Variants in FBXL7 observed in about 807,000 individuals in gnomAD.
FBXL7 encodes F-box and leucine rich repeat protein 7.
In FBXL7, 12 loss-of-function variants were observed where a neutral mutation model predicts 38.3. That is an observed-to-expected ratio of 0.31 (90% CI 0.20 to 0.51). The LOEUF (loss-of-function observed/expected upper bound fraction) is 0.51. Ranked by LOEUF, FBXL7 falls within the 20% of genes least tolerant of loss-of-function variation. FBXL7 has a pLI of 0.98. For synonymous variants in FBXL7, 297 were observed against 300.9 expected, an observed-to-expected ratio of 0.99 and a Z score of 0.13; for missense variants, 567 against 676.4, an observed-to-expected ratio of 0.84 and a Z score of 1.79.
chr5:15,770,239 G>A (rs372811983), intron 2 of FBXL7, among the ~76,000 whole-genome samples: 11 of 152,208 alleles, frequency 7.2e-5, no homozygotes, highest in South Asian at 2.1e-4. Flanking sequence ...CTGATTTTCC[G>A]TAGGGCCCCA....
At position 15,822,310 on chromosome 5, in the gene FBXL7, C is replaced by T. The variant is rs371226400; in HGVS notation, c.128-105580C>T. Among the ~76,000 whole-genome samples the T allele has an allele frequency of 5.3e-5, 8 of 151,620 alleles. No individual in the cohort carries two copies. In the South Asian group the frequency reaches 6.3e-4, roughly 12 times the overall value. The stretch of plus-strand genomic sequence containing the variant: ...CCAGGAGGCAGAGGTTGCAGTGAGC[C>T]GAGATCACACCATTGCACTCCAGCC... On this transcript the variant is annotated intron_variant, in intron 2 of 3. Coordinates refer to ENST00000504595, the MANE Select transcript of FBXL7 (RefSeq NM_012304.5).
intron 2 of FBXL7, among the ~76,000 whole-genome samples, chr5:15,806,212 C>T (rs1737708541): frequency 6.6e-6 from 1 of 152,094 alleles, no homozygotes; most frequent in Non-Finnish European, 1.5e-5. Flanking sequence ...GTTATACAAG[C>T]CAGTTGTTTT....
intron 2 of FBXL7, among the ~76,000 whole-genome samples, chr5:15,756,960 T>C (rs935315601): frequency 8.5e-5 from 13 of 152,196 alleles, no homozygotes; most frequent in African/African-American, 2.9e-4. Context: ...TCAGGGCCAA[T>C]AGTTTGAACG....
chr5:15,852,487 T>C (rs1466360063), intron 2 of FBXL7, among the ~76,000 whole-genome samples: 1 of 152,138 alleles, frequency 6.6e-6, no homozygotes, highest in African/African-American at 2.4e-5. Flanking sequence ...GTTTGGAAAA[T>C]AGCATCTGTT....
At chr5:15,858,272 T>C (rs992335193) in intron 2 of FBXL7, among the ~76,000 whole-genome samples, 1 of 151,278 alleles carries the variant, frequency 6.6e-6, no homozygotes, top group Non-Finnish European at 1.5e-5. Context: ...ATTTAGGATT[T>C]ATCATTCAAA....
chr5:15,822,349 A>C (rs1275904400), intron 2 of FBXL7, among the ~76,000 whole-genome samples: 1 of 152,060 alleles, frequency 6.6e-6, no homozygotes, highest in Non-Finnish European at 1.5e-5. Flanking sequence ...GTGACAGAGC[A>C]CGACTCCATC....
chr5:15,563,321 A>G (rs1738470397), intron 1 of FBXL7, among the ~76,000 whole-genome samples: 1 of 152,128 alleles, frequency 6.6e-6, no homozygotes, highest in South Asian at 2.1e-4. Context: ...CTCCATACCT[A>G]CTTCATCACG....
At chr5:15,539,272 A>G (rs1561020085) in intron 1 of FBXL7, among the ~76,000 whole-genome samples, 1 of 152,202 alleles carries the variant, frequency 6.6e-6, no homozygotes, top group East Asian at 1.9e-4. Flanking sequence ...GAATGACGTC[A>G]ATAGGGATTC....
At chr5:15,919,526 C>T (rs1741686277) in intron 2 of FBXL7, among the ~76,000 whole-genome samples, 3 of 152,088 alleles carry the variant, frequency 2.0e-5, no homozygotes, top group Admixed American at 6.6e-5. Context: ...CACACAAATA[C>T]TTGAAAGTAT....
chr5:15,906,056 G>T (rs1452271853), intron 2 of FBXL7, among the ~76,000 whole-genome samples: 2 of 152,004 alleles, frequency 1.3e-5, no homozygotes, highest in African/African-American at 4.8e-5. Context: ...TATAAGCCTT[G>T]AATTTGCTTA....
At chr5:15,772,166 C>A (rs2126711827) in intron 2 of FBXL7, among the ~76,000 whole-genome samples, 1 of 152,254 alleles carries the variant, frequency 6.6e-6, no homozygotes, top group South Asian at 2.1e-4. Context: ...ATTATAAGTA[C>A]ACATGCTCTA....
intron 2 of FBXL7, among the ~76,000 whole-genome samples, chr5:15,874,073 A>C (rs1316452232): frequency 6.6e-6 from 1 of 152,064 alleles, no homozygotes; most frequent in African/African-American, 2.4e-5. Context: ...TATCCACCAC[A>C]ATCAAGTCAG....
chr5:15,852,353 G>T (rs183307927), intron 2 of FBXL7, among the ~76,000 whole-genome samples: 1 of 152,160 alleles, frequency 6.6e-6, no homozygotes, highest in Non-Finnish European at 1.5e-5. Context: ...TGATATATCT[G>T]CCTTACTGCC....
chr5:15,544,010 A>C (rs2126412051), intron 1 of FBXL7, among the ~76,000 whole-genome samples: 1 of 152,316 alleles, frequency 6.6e-6, no homozygotes, highest in East Asian at 1.9e-4. Flanking sequence ...AGTTTTCTGT[A>C]AGACACGCAG....
rs762468044 is a variant in FBXL7 at position 15,936,612 on chromosome 5, C to G, written c.902C>G (p.Thr301Ser). 4 of 1,610,400 alleles carry G rather than the reference C, an allele frequency of 2.5e-6. No homozygotes were observed. The highest frequency in any genetic ancestry group is 1.7e-6 in the Non-Finnish European group (2 of 1,179,858). Residue 301 changes from threonine (T) to serine (S), a missense_variant, in exon 4 of 4, where the codon ACC becomes AGC. Physicochemically the swap from Thr to Ser is moderately conservative, Grantham distance 58 (BLOSUM62 1). Coordinates refer to ENST00000504595, the MANE Select transcript of FBXL7 (RefSeq NM_012304.5). This position sits in a 1 kb window ranked among gnomAD's most constrained non-coding sequence, Gnocchi z 6.0. ...HTIAAHCTQL[T>S]HLYLRRCVRL... Reference sequence around the variant, plus strand: ...ATCGCGGCGCACTGCACGCAGCTCACCCACCTCTACCTGCGCCGCTGCGTC... The same window carrying G: ...ATCGCGGCGCACTGCACGCAGCTCAGCCACCTCTACCTGCGCCGCTGCGTC...
chr5:15,577,922 T>C (rs1032515968), intron 1 of FBXL7, among the ~76,000 whole-genome samples: 3 of 152,214 alleles, frequency 2.0e-5, no homozygotes, highest in Non-Finnish European at 2.9e-5. Flanking sequence ...TCTTGTTTGT[T>C]ATGAAAAGAT....
At chr5:15,694,511 T>C (rs4702100) in intron 2 of FBXL7, among the ~76,000 whole-genome samples, 109,190 of 152,036 alleles carry the variant, frequency 0.72, 39,568 homozygotes, top group East Asian at 0.83. Context: ...ACCTTATAAA[T>C]AGATTTTACT....
intron 2 of FBXL7, among the ~76,000 whole-genome samples, chr5:15,903,322 C>G (rs1741277266): frequency 6.6e-6 from 1 of 152,178 alleles, no homozygotes. Flanking sequence ...ACCATGAAAT[C>G]TGACAGGTTC....
At chr5:15,620,954 G>A (rs905103299) in intron 2 of FBXL7, among the ~76,000 whole-genome samples, 2 of 152,182 alleles carry the variant, frequency 1.3e-5, no homozygotes, top group Admixed American at 6.5e-5. Context: ...ATCCACTCCA[G>A]TAAGTCTGTT....
Sources: gnomAD v4.1 joint callset for allele counts (sites outside exome capture counted in the v4.1 genomes callset) on GRCh38, gnomAD v4.1.1 for gene constraint, Gnocchi (gnomAD v3.1) non-coding constraint, MANE v1.5 for transcripts, NCBI Gene and HGNC (gene_info 2026-07-23, HGNC 2026-07-21) for gene names.